Variants in SV2C observed in about 807,000 individuals in gnomAD.
The protein encoded by SV2C is synaptic vesicle glycoprotein 2C.
A neutral mutation model predicts 79.7 loss-of-function variants in SV2C; 49 were observed. The ratio of observed to expected loss-of-function variants is 0.61; its 90% CI spans 0.49 to 0.78. The LOEUF (loss-of-function observed/expected upper bound fraction) is 0.78, where lower values mean the gene tolerates loss of function less well. Ranked by LOEUF, SV2C falls within the 30% of genes least tolerant of loss-of-function variation. The pLI is 0.00. For synonymous variants in SV2C, 334 were observed against 333.2 expected, an observed-to-expected ratio of 1.00 and a Z score of -0.03; for missense variants, 833 against 912.9, an observed-to-expected ratio of 0.91 and a Z score of 1.13.
At chr5:76,148,812 C>T (rs1749514434) in intron 2 of SV2C, among the ~76,000 whole-genome samples, 1 of 152,136 alleles carries the variant, frequency 6.6e-6, no homozygotes, top group Non-Finnish European at 1.5e-5. Flanking sequence ...AGCCTACTTG[C>T]CATTGTTGTT....
At chr5:76,200,248 C>G (rs534554819) in intron 3 of SV2C, among the ~76,000 whole-genome samples, 2 of 152,356 alleles carry the variant, frequency 1.3e-5, no homozygotes, top group South Asian at 4.1e-4. Context: ...ACCTACTCAG[C>G]AGCTGGCAGA....
chr5:76,241,378 G>T (rs1026894474), intron 4 of SV2C, among the ~76,000 whole-genome samples: 2 of 152,060 alleles, frequency 1.3e-5, no homozygotes, highest in African/African-American at 2.4e-5. Context: ...TTCATCTGAT[G>T]CTCTGAACAG....
chr5:76,186,953 C>T (rs1466138942), intron 2 of SV2C, among the ~76,000 whole-genome samples: 8 of 152,104 alleles, frequency 5.3e-5, no homozygotes, highest in African/African-American at 1.9e-4. Context: ...TATTACAATT[C>T]GAGGTAAGAT....
the SV2C span, among the ~76,000 whole-genome samples, chr5:76,040,797 A>C: frequency 6.6e-6 from 1 of 152,232 alleles, no homozygotes; most frequent in Non-Finnish European, 1.5e-5. Flanking sequence ...GGCTACCTTG[A>C]GTAGTCACAG....
rs551679708 is a variant in SV2C, at chr5:76,326,493, G to A, written c.*946G>A. On this transcript the variant is annotated 3_prime_UTR_variant, in exon 13 of 13. Transcript: ENST00000502798. ...AGCTAAATTGTAAATTGCAAATTAG[G>A]AAGAAATTCACACCCAGAGCCATTT... 2.6e-5 allele frequency: 4 copies of A among 152,270 alleles called. No homozygotes were observed. Among genetic ancestry groups the A allele is most frequent in the African/African-American group, 9.6e-5 (4 of 41,562 alleles). The allele number at this position is 152,270 out of a possible 1,614,324, so 9.4% of individuals were successfully genotyped here.
At chr5:76,229,223 G>C (rs369187637) in intron 4 of SV2C, among the ~76,000 whole-genome samples, 1 of 152,186 alleles carries the variant, frequency 6.6e-6, no homozygotes, top group African/African-American at 2.4e-5. Flanking sequence ...ACCCTGGTGC[G>C]GGACGGCCAT....
At chr5:76,224,779 T>C (rs916889229) in intron 4 of SV2C, among the ~76,000 whole-genome samples, 18 of 152,172 alleles carry the variant, frequency 1.2e-4, no homozygotes, top group African/African-American at 4.1e-4. Flanking sequence ...AGGTAAAAAA[T>C]TGTAGAGCTA....
At chr5:76,298,754 C>G (rs770541570) in intron 9 of SV2C, 40 bp from the exon 10 acceptor site, 1 of 1,602,652 alleles carries the variant, frequency 6.2e-7, no homozygotes. Flanking sequence ...TTGATGGACA[C>G]AGTCATTGAT....
chr5:76,335,008 G>T (rs1431714863), downstream of SV2C, among the ~76,000 whole-genome samples: 1 of 152,230 alleles, frequency 6.6e-6, no homozygotes, highest in Non-Finnish European at 1.5e-5. Context: ...ATAGCCACAT[G>T]TAGCTATTTA....
At chr5:76,207,753 A>C (rs1341745033) in intron 3 of SV2C, among the ~76,000 whole-genome samples, 1 of 152,178 alleles carries the variant, frequency 6.6e-6, no homozygotes, top group Non-Finnish European at 1.5e-5. Context: ...TCAGCCTCCC[A>C]GTGGTCTTTG....
the SV2C span, among the ~76,000 whole-genome samples, chr5:75,848,555 A>G: frequency 6.6e-6 from 1 of 152,218 alleles, no homozygotes; most frequent in African/African-American, 2.4e-5. Flanking sequence ...AGAAATCTCA[A>G]AAGTTCTTGT....
chr5:75,938,999 G>A, the SV2C span, among the ~76,000 whole-genome samples: 6 of 152,030 alleles, frequency 3.9e-5, no homozygotes, highest in East Asian at 5.8e-4. Context: ...GGAATGTCTT[G>A]TACAAGTTAA....
At chr5:75,992,846 G>C in the SV2C span, among the ~76,000 whole-genome samples, 1 of 151,958 alleles carries the variant, frequency 6.6e-6, no homozygotes, top group Non-Finnish European at 1.5e-5. Context: ...CACTGCTTTT[G>C]AGAGATCTAC....
intron 1 of SV2C, among the ~76,000 whole-genome samples, chr5:76,106,235 C>A (rs1425393350): frequency 6.6e-6 from 1 of 152,116 alleles, no homozygotes; most frequent in Non-Finnish European, 1.5e-5. Context: ...TGTGCCTCTG[C>A]CTTCAAATTA....
At chr5:76,288,050 A>G (rs1747410653) in intron 6 of SV2C, among the ~76,000 whole-genome samples, 1 of 150,044 alleles carries the variant, frequency 6.7e-6, no homozygotes, top group Admixed American at 6.7e-5. Context: ...GTGCCTCTGC[A>G]CTCTAGCCTG....
intron 3 of SV2C, among the ~76,000 whole-genome samples, chr5:76,195,547 C>T (rs1415875954): frequency 6.6e-6 from 1 of 152,154 alleles, no homozygotes; most frequent in East Asian, 1.9e-4. Context: ...GCATATTTAA[C>T]TTGGTAGAAA....
chr5:76,330,915 G>C lies in SV2C; in HGVS notation c.*5368G>C, dbSNP rs925724807. On this transcript the variant is annotated 3_prime_UTR_variant, in exon 13 of 13. Transcript: ENST00000502798. ...TCTATTACTTAGGCCGGAGTGCAGT[G>C]GTGCAATCTCGGCTCAATGCAACTT... 1 of 151,440 alleles carries C rather than the reference G, an allele frequency of 6.6e-6. No homozygotes were observed. Among genetic ancestry groups the C allele is most frequent in the African/African-American group, 2.4e-5 (1 of 41,154 alleles). 9.4% of individuals were successfully genotyped at this position (151,440 alleles called of 1,614,324 possible).
chr5:75,897,373 G>C, the SV2C span, among the ~76,000 whole-genome samples: 6 of 151,840 alleles, frequency 4.0e-5, 1 homozygote, highest in South Asian at 1.2e-3. Context: ...AGATCAGATA[G>C]TTGTAGATAT....
chr5:76,168,854 C>T (rs940780205), intron 2 of SV2C, among the ~76,000 whole-genome samples: 3 of 152,232 alleles, frequency 2.0e-5, no homozygotes, highest in Non-Finnish European at 4.4e-5. Flanking sequence ...CTGCCCCGCT[C>T]TTGAGTTGCT....
Sources: gnomAD v4.1 joint callset for allele counts (sites outside exome capture counted in the v4.1 genomes callset) on GRCh38, gnomAD v4.1.1 for gene constraint, MANE v1.5 for transcripts, NCBI Gene and HGNC (gene_info 2026-07-23, HGNC 2026-07-21) for gene names.